Variants in ESF1 observed in about 807,000 individuals in gnomAD.
ESF1 encodes ESF1 homolog.
A neutral mutation model predicts 92.0 loss-of-function variants in ESF1; 58 were observed. The observed-to-expected ratio is 0.63, with a 90% CI of 0.51 to 0.78. ESF1 has a LOEUF of 0.78. Among genes scored for constraint, ESF1 ranks in the 30% least tolerant of loss-of-function variants. The pLI is 0.00. For missense variants in ESF1, 922 were observed against 989.1 expected (o/e 0.93, Z 0.91); for synonymous variants, 321 against 313.7 (o/e 1.02, Z -0.24).
chr20:13,736,403 A>T (rs1227611156), intron 9 of ESF1, among the ~76,000 whole-genome samples: 1 of 152,214 alleles, frequency 6.6e-6, no homozygotes, highest in African/African-American at 2.4e-5. Flanking sequence ...TATTTGAACC[A>T]CATAAGTGAT....
chr20:13,768,522 C>A (rs369444670), intron 7 of ESF1, among the ~76,000 whole-genome samples: 14 of 151,760 alleles, frequency 9.2e-5, no homozygotes, highest in Admixed American at 2.0e-4. Flanking sequence ...GCAGAGGTTG[C>A]AGTGAGCCAG....
At chr20:13,740,806 A>C (rs1360906917) in intron 9 of ESF1, among the ~76,000 whole-genome samples, 2 of 152,156 alleles carry the variant, frequency 1.3e-5, no homozygotes, top group East Asian at 3.9e-4. Context: ...AGGATTCAAA[A>C]GTGGGCCCTG....
At chr20:13,780,840 C>A (rs369698490) in intron 2 of ESF1, among the ~76,000 whole-genome samples, 1 of 152,192 alleles carries the variant, frequency 6.6e-6, no homozygotes, top group African/African-American at 2.4e-5. Flanking sequence ...ACACGTAATG[C>A]AAACTAGAGC....
intron 9 of ESF1, among the ~76,000 whole-genome samples, chr20:13,757,636 T>C (rs2147759067): frequency 6.6e-6 from 1 of 152,274 alleles, no homozygotes; most frequent in African/African-American, 2.4e-5. Flanking sequence ...CATCTGAGGC[T>C]CAAGTAATCC....
chr20:13,719,627 T>C (rs2049854100), intron 11 of ESF1, among the ~76,000 whole-genome samples: 1 of 151,738 alleles, frequency 6.6e-6, no homozygotes, highest in African/African-American at 2.4e-5. Context: ...CATAAGAAAA[T>C]AAAACGCAGG....
chr20:13,755,556 T>C (rs1360290698), intron 9 of ESF1, among the ~76,000 whole-genome samples: 2 of 152,200 alleles, frequency 1.3e-5, no homozygotes, highest in Non-Finnish European at 2.9e-5. Flanking sequence ...CCTTAGTAAG[T>C]TGGCAGGATA....
chr20:13,764,835 A>G (rs1184340238), intron 8 of ESF1, among the ~76,000 whole-genome samples: 1 of 152,042 alleles, frequency 6.6e-6, no homozygotes, highest in Admixed American at 6.6e-5. Context: ...AAACCCATGT[A>G]TAAGTGACCT....
chr20:13,744,474 CT>C (rs1640643804), intron 9 of ESF1, among the ~76,000 whole-genome samples: 2 of 152,206 alleles, frequency 1.3e-5, no homozygotes, highest in Non-Finnish European at 2.9e-5. Flanking sequence ...GTGACATCAT[CT>C]CCATTTCCCA....
intron 6 of ESF1, among the ~76,000 whole-genome samples, chr20:13,770,999 C>G (rs948715178): frequency 1.9e-4 from 29 of 152,160 alleles, no homozygotes; most frequent in African/African-American, 6.3e-4. Context: ...TTCCTCTGCC[C>G]CTTCCTCCAT....
intron 11 of ESF1, among the ~76,000 whole-genome samples, chr20:13,726,193 T>C (rs894120030): frequency 6.6e-6 from 1 of 152,184 alleles, no homozygotes; most frequent in Non-Finnish European, 1.5e-5. Context: ...AATATGTTAA[T>C]CTATACCAGA....
In ESF1 at chr20:13,782,907, A is replaced by C. The variant is rs371620693; in HGVS notation, c.234T>G (p.Asp78Glu). The change falls in exon 2 of 14, where the codon GAT becomes GAG. Residue 78 changes from aspartate (D) to glutamate (E), a missense_variant. Transcript: ENST00000617257. ...LKRFYDLSDS[D>E]SNLSGEDSKA... ...TGCTATCTTCACCAGAGAGATTGGAATCAGAATCTGAAAGGTCGTAAAAAC... is the reference window on the plus strand; with the variant it reads ...TGCTATCTTCACCAGAGAGATTGGACTCAGAATCTGAAAGGTCGTAAAAAC... The C allele has an allele frequency of 1.9e-6, 3 of 1,614,016 alleles. No homozygotes were observed. In the African/African-American group the frequency reaches 4.0e-5, roughly 22 times the overall value.
At position 13,782,711 on chromosome 20, in the gene ESF1, A is replaced by G; in HGVS notation, c.430T>C (p.Cys144Arg). 6.3e-7 allele frequency: 1 copy of G among 1,586,090 alleles called. No individual in the cohort carries two copies. The highest frequency in any genetic ancestry group is 8.5e-7 in the Non-Finnish European group (1 of 1,171,598). The change falls in exon 2 of 14, where the codon TGT (cysteine) becomes CGT (arginine). Residue 144 changes from cysteine to arginine, a missense_variant. Cys to Arg is a radical substitution (Grantham distance 180, BLOSUM62 -3). Transcript: ENST00000617257. Reference sequence around the variant, plus strand: ...ATGTTTGAATCTATCTTAAATTTACATGAGGTTTTCATTTTTTTAATTCCT... The same window carrying G: ...ATGTTTGAATCTATCTTAAATTTACGTGAGGTTTTCATTTTTTTAATTCCT... ...SIGIKKMKTSCKFKIDSNISP... is the reference protein window; with the variant it reads ...SIGIKKMKTSRKFKIDSNISP...
At chr20:13,721,602 T>C (rs2049868599) in intron 11 of ESF1, among the ~76,000 whole-genome samples, 1 of 151,994 alleles carries the variant, frequency 6.6e-6, no homozygotes, top group Non-Finnish European at 1.5e-5. Context: ...GCTAATGGGG[T>C]AACATGATAA....
intron 9 of ESF1, among the ~76,000 whole-genome samples, chr20:13,750,742 GC>G (rs1345217893): frequency 6.6e-6 from 1 of 152,196 alleles, no homozygotes; most frequent in East Asian, 1.9e-4. Flanking sequence ...GCTTTGGGAG[GC>G]CAAGGAGGGA....
chr20:13,767,030 A>G, intron 7 of ESF1, 106 bp from the exon 8 acceptor site: 2 of 1,063,622 alleles, frequency 1.9e-6, no homozygotes, highest in East Asian at 4.8e-5. Context: ...GTAAGTTAAA[A>G]GTTAAGACAC....
intron 2 of ESF1, among the ~76,000 whole-genome samples, chr20:13,777,776 T>A (rs1365695198): frequency 7.1e-6 from 1 of 141,644 alleles, no homozygotes; most frequent in Non-Finnish European, 1.5e-5. Flanking sequence ...ATATCTTACG[T>A]GTTTTACTCA....
rs192893857 is a variant in ESF1 at position 13,783,591 on chromosome 20, C to T, written c.-43-408G>A. ...TCACCAGCACTTTCGGAGGCCAAGG[C>T]GGGCGGATCACTTGAGCCCAGGAGT... On this transcript the variant is annotated intron_variant, in intron 1 of 13. Transcript: ENST00000617257. 7.9e-5 allele frequency among the ~76,000 whole-genome samples: 12 copies of T among 152,292 alleles called. No homozygotes were observed. In the East Asian group the frequency reaches 2.1e-3, roughly 27 times the overall value.
intron 8 of ESF1, among the ~76,000 whole-genome samples, chr20:13,760,407 G>T (rs1018143314): frequency 6.9e-6 from 1 of 144,264 alleles, no homozygotes; most frequent in African/African-American, 2.6e-5. Flanking sequence ...CTGCCCTGCC[G>T]CCCCGTCTGG....
intron 10 of ESF1, among the ~76,000 whole-genome samples, chr20:13,731,573 G>A (rs2147731317): frequency 6.6e-6 from 1 of 151,068 alleles, no homozygotes; most frequent in African/African-American, 2.4e-5. Context: ...ACTGCCTACT[G>A]AGTTTGAAAA....
Sources: gnomAD v4.1 joint callset for allele counts (sites outside exome capture counted in the v4.1 genomes callset) on GRCh38, gnomAD v4.1.1 for gene constraint, MANE v1.5 for transcripts, NCBI Gene and HGNC (gene_info 2026-07-23, HGNC 2026-07-21) for gene names.